Variants in BDH1 observed in about 807,000 individuals in gnomAD.
BDH1 encodes 3-hydroxybutyrate dehydrogenase 1.
In BDH1, 30 loss-of-function variants were observed where a neutral mutation model predicts 33.1. That is an observed-to-expected ratio of 0.91 (90% CI 0.68 to 1.23). BDH1 has a LOEUF of 1.23. BDH1 is among the 50% of genes most tolerant of loss of function. The pLI is 0.00. For synonymous variants in BDH1, 190 were observed against 183.6 expected (o/e 1.03, Z -0.28); for missense variants, 443 against 464.4 (o/e 0.95, Z 0.42).
upstream of BDH1, among the ~76,000 whole-genome samples, chr3:197,558,062 G>A (rs903568225): frequency 3.9e-5 from 6 of 152,256 alleles, no homozygotes; most frequent in African/African-American, 1.4e-4. Context: ...TCCTGACTCT[G>A]AGAATTAAAC....
At position 197,516,542 on chromosome 3, in the gene BDH1, C is replaced by T. The variant is rs190982000; in HGVS notation, c.410-2126G>A. 1.7e-4 allele frequency among the ~76,000 whole-genome samples: 26 copies of T among 152,186 alleles called. 1 individual carries two copies. In the East Asian group the frequency reaches 3.7e-3, roughly 21 times the overall value. ...TTGGGTGACAGCAACTTTCCTGTAA[C>T]ATCCCCAAGATCGCCTCCGCACCAG... On this transcript the variant is annotated intron_variant, in intron 6 of 7. Coordinates refer to ENST00000392379, the MANE Select transcript of BDH1 (RefSeq NM_203314.3). This position sits in a 1 kb window ranked among gnomAD's most constrained non-coding sequence, Gnocchi z 4.2.
chr3:197,555,190 G>A (rs905504489), intron 1 of BDH1, among the ~76,000 whole-genome samples: 1 of 152,256 alleles, frequency 6.6e-6, no homozygotes, highest in Non-Finnish European at 1.5e-5. Flanking sequence ...TCCCCAGGGC[G>A]CTGTGGCGCG....
chr3:197,570,147 C>G (rs1443018047), intron 1 of BDH1, among the ~76,000 whole-genome samples: 1 of 152,136 alleles, frequency 6.6e-6, no homozygotes, highest in Non-Finnish European at 1.5e-5. Context: ...TTGCCCCTGC[C>G]CTAGAGATTT....
upstream of BDH1, among the ~76,000 whole-genome samples, chr3:197,560,307 T>G (rs1052810757): frequency 6.6e-6 from 1 of 152,258 alleles, no homozygotes; most frequent in African/African-American, 2.4e-5. Flanking sequence ...ATATTTGCCG[T>G]GGTGTGCTTA....
chr3:197,532,989 T>C (rs1714812629), intron 4 of BDH1, among the ~76,000 whole-genome samples: 1 of 152,226 alleles, frequency 6.6e-6, no homozygotes, highest in Admixed American at 6.5e-5. Flanking sequence ...GCAGTTCTCC[T>C]GCCTCAGCCT....
chr3:197,514,088 G>A lies in BDH1; in HGVS notation c.562+176C>T, dbSNP rs1488509236. On this transcript the variant is annotated intron_variant, in intron 7 of 7. Transcript: ENST00000392379. The surrounding 1 kb of genome is among the most constrained non-coding windows in gnomAD (Gnocchi z 4.2). ...TGCTCTGCTTCCTCCTCCCCTACCCGGCCACAGCCCCTCTGCCCACCATCA... is the reference window on the plus strand; with the variant it reads ...TGCTCTGCTTCCTCCTCCCCTACCCAGCCACAGCCCCTCTGCCCACCATCA... 3.7e-6 allele frequency: 3 copies of A among 807,974 alleles called. No homozygotes were observed. The highest frequency in any genetic ancestry group is 5.9e-5 in the East Asian group (2 of 33,796). The allele number at this position is 807,974 out of a possible 1,614,324, so 50.1% of individuals were successfully genotyped here. A position where few individuals can be genotyped will look rare whatever the true frequency, so the allele number is the denominator to read the frequency against.
intron 1 of BDH1, chr3:197,573,159 T>C (rs1717666434): frequency 6.6e-6 from 1 of 152,226 alleles, no homozygotes; most frequent in Non-Finnish European, 1.5e-5. Context: ...AGCCCACATG[T>C]TCAAGTTCAG....
At position 197,550,572 on chromosome 3, in the gene BDH1, C is replaced by T. The variant is rs565755244; in HGVS notation, c.-44+3990G>A. On this transcript the variant is annotated intron_variant, in intron 2 of 7. Transcript: ENST00000392379. The stretch of plus-strand genomic sequence containing the variant: ...ACCCAAGGTGAGCCCATTGTTCTGT[C>T]CCCTGGCACCGTGAGAGAATGCGAA... Among the ~76,000 whole-genome samples the T allele has an allele frequency of 1.5e-4, 23 of 152,348 alleles. No homozygotes were observed. The East Asian group carries it at 4.4e-3, about 29-fold the overall frequency.
chr3:197,570,727 A>G (rs891080180), intron 1 of BDH1, among the ~76,000 whole-genome samples: 6 of 152,244 alleles, frequency 3.9e-5, no homozygotes, highest in African/African-American at 1.4e-4. Context: ...GTATGGAAAT[A>G]ACTGGAGGTC....
At chr3:197,557,264 C>T (rs1362019593), upstream of BDH1, among the ~76,000 whole-genome samples, 2 of 152,242 alleles carry the variant, frequency 1.3e-5, no homozygotes, top group Non-Finnish European at 2.9e-5. The surrounding 1 kb of genome is among the most constrained non-coding windows in gnomAD (Gnocchi z 4.6). Context: ...GGCCATTTCA[C>T]TTGCGTGCAT....
At chr3:197,536,268 C>T (rs1304377080) in intron 3 of BDH1, among the ~76,000 whole-genome samples, 12 of 152,148 alleles carry the variant, frequency 7.9e-5, no homozygotes, top group Non-Finnish European at 1.8e-4. Flanking sequence ...TATTTTGATT[C>T]ATTGATATAT....
At chr3:197,555,190 G>T (rs905504489) in intron 1 of BDH1, among the ~76,000 whole-genome samples, 1 of 152,256 alleles carries the variant, frequency 6.6e-6, no homozygotes, top group South Asian at 2.1e-4. Flanking sequence ...TCCCCAGGGC[G>T]CTGTGGCGCG....
rs1342372023 is a variant in BDH1, at chr3:197,526,041, T to G, written c.268-3260A>C. Among the ~76,000 whole-genome samples the G allele has an allele frequency of 6.6e-6, 1 of 152,244 alleles. No homozygotes were observed. Among genetic ancestry groups the G allele is most frequent in the Non-Finnish European group, 1.5e-5 (1 of 68,044 alleles). On this transcript the variant is annotated intron_variant, in intron 5 of 7. Coordinates refer to ENST00000392379, the MANE Select transcript of BDH1 (RefSeq NM_203314.3). This position sits in a 1 kb window ranked among gnomAD's most constrained non-coding sequence, Gnocchi z 4.7. ...ACCCACTTCTTTATCTTACTGTCCC[T>G]TTCAACCTCACCTGTAAGCTATTTT...
At chr3:197,541,706 C>T (rs1399280219) in intron 3 of BDH1, among the ~76,000 whole-genome samples, 1 of 152,088 alleles carries the variant, frequency 6.6e-6, no homozygotes, top group Non-Finnish European at 1.5e-5. Flanking sequence ...CCTAGCCTCA[C>T]TCCTGACCCA....
intron 1 of BDH1, among the ~76,000 whole-genome samples, chr3:197,564,488 G>C (rs1717369403): frequency 1.3e-5 from 2 of 151,722 alleles, no homozygotes; most frequent in Non-Finnish European, 1.5e-5. Flanking sequence ...TTGACTCCTG[G>C]GTGTAAAAAA....
intron 3 of BDH1, among the ~76,000 whole-genome samples, chr3:197,540,324 G>C (rs1715497615): frequency 6.7e-6 from 1 of 150,184 alleles, no homozygotes; most frequent in Non-Finnish European, 1.5e-5. Flanking sequence ...AAAGTGCTGG[G>C]ATTACAGGTG....
intron 1 of BDH1, among the ~76,000 whole-genome samples, chr3:197,565,942 GATCT>G (rs1271343623): frequency 3.9e-5 from 6 of 152,230 alleles, no homozygotes; most frequent in Non-Finnish European, 8.8e-5. Context: ...TGCGTGAGCT[GATCT>G]AATAAAAGAC....
intron 3 of BDH1, chr3:197,538,536 G>T (rs575791415): frequency 1.2e-4 from 46 of 368,648 alleles, no homozygotes; most frequent in African/African-American, 7.6e-4. Flanking sequence ...ATTTTTAGTA[G>T]AGACGGGGGT....
At chr3:197,543,287 G>A in intron 3 of BDH1, 1 of 583,190 alleles carries the variant, frequency 1.7e-6, no homozygotes, top group Non-Finnish European at 2.2e-6. Flanking sequence ...TCCCGCATGT[G>A]ATGTGGCAGC....
Sources: allele counts gnomAD v4.1 joint callset (sites outside exome capture counted in the v4.1 genomes callset), GRCh38; gene constraint gnomAD v4.1.1; non-coding constraint Gnocchi (gnomAD v3.1); transcripts MANE v1.5; gene names NCBI Gene and HGNC (gene_info 2026-07-23, HGNC 2026-07-21).